SHC2: variants seen among roughly 807,000 people sequenced by gnomAD.
SHC2 encodes SHC adaptor protein 2, also known as SHC-transforming protein 2.
Under a neutral mutation model 60.6 loss-of-function variants are expected in SHC2, and 62 were observed. The ratio of observed to expected loss-of-function variants is 1.02; its 90% CI spans 0.83 to 1.26. The LOEUF is 1.26. Ranked by LOEUF, SHC2 falls within the 50% of genes most tolerant of loss-of-function variation. SHC2 has a pLI of 0.00. For missense variants in SHC2, 873 were observed against 822.2 expected, an observed-to-expected ratio of 1.06 and a Z score of -0.76; for synonymous variants, 375 against 372.4, an observed-to-expected ratio of 1.01 and a Z score of -0.08.
At position 424,995 on chromosome 19, in the gene SHC2, T is replaced by C; in HGVS notation, c.1309+102A>G. ...CACGGGGAGAAGGGAGCCTCCCCCA[T>C]CAGACCAGGGAATCCCGTAGGGAGT... On this transcript the variant is annotated intron_variant, in intron 10 of 12. Coordinates refer to ENST00000264554, the MANE Select transcript of SHC2 (RefSeq NM_012435.3). This position sits in a 1 kb window ranked among gnomAD's most constrained non-coding sequence, Gnocchi z 4.5. The C allele has an allele frequency of 1.6e-6, 2 of 1,225,640 alleles. No homozygotes were observed. Among genetic ancestry groups the C allele is most frequent in the Non-Finnish European group, 2.1e-6 (2 of 940,802 alleles). 75.9% of individuals were successfully genotyped at this position (1,225,640 alleles called of 1,614,324 possible).
chr19:418,975 C>T lies in SHC2; in HGVS notation c.1702G>A (p.Ala568Thr), dbSNP rs200038781. The T allele has an allele frequency of 3.0e-5, 47 of 1,585,858 alleles. No individual in the cohort carries two copies. Among genetic ancestry groups the T allele is most frequent in the Admixed American group, 2.0e-4 (11 of 56,160 alleles). ...CCACGCAGGTGCAGCTCACTCTCGG[C>T]GGCCACGATGGGCTGCCCGTTCTGC... Reference protein sequence around the residue: ...HLQNGQPIVAAESELHLRGVV... With the variant: ...HLQNGQPIVATESELHLRGVV... Residue 568 changes from alanine to threonine, a missense_variant, in exon 12 of 13, where the codon GCC (alanine) becomes ACC (threonine). Transcript: ENST00000264554.
At position 441,064 on chromosome 19, in the gene SHC2, G is replaced by A. The variant is rs1242674164; in HGVS notation, c.469-132C>T. On this transcript the variant is annotated intron_variant, in intron 1 of 12. Coordinates refer to ENST00000264554, the MANE Select transcript of SHC2 (RefSeq NM_012435.3). The surrounding 1 kb of genome is among the most constrained non-coding windows in gnomAD (Gnocchi z 4.9). ...CTTTCCTCTGTCCCTGGTGGCTCTGGGGCCGTCGTGCCTCCCCCACCTCAA... is the reference window on the plus strand; with the variant it reads ...CTTTCCTCTGTCCCTGGTGGCTCTGAGGCCGTCGTGCCTCCCCCACCTCAA... 1 of 1,496,876 alleles carries A rather than the reference G, an allele frequency of 6.7e-7. No individual in the cohort carries two copies. The highest frequency in any genetic ancestry group is 9.0e-7 in the Non-Finnish European group (1 of 1,112,646). 92.7% of individuals were successfully genotyped at this position (1,496,876 alleles called of 1,614,324 possible).
intron 12 of SHC2, among the ~76,000 whole-genome samples, chr19:418,289 G>A (rs536031143): frequency 2.6e-5 from 4 of 152,340 alleles, no homozygotes; most frequent in East Asian, 1.9e-4. Flanking sequence ...CACCCAGCAC[G>A]CCGCAGGGGT....
chr19:437,236 G>A (rs1442450786), intron 4 of SHC2, among the ~76,000 whole-genome samples: 2 of 151,644 alleles, frequency 1.3e-5, no homozygotes, highest in Non-Finnish European at 2.9e-5. Flanking sequence ...GCTCGTTTGC[G>A]AGCTCATCTG....
At chr19:449,921 T>C (rs999776377) in intron 1 of SHC2, among the ~76,000 whole-genome samples, 2 of 152,222 alleles carry the variant, frequency 1.3e-5, no homozygotes. Context: ...CTCTACGTAG[T>C]CTACTGTTCT....
chr19:438,693 C>A lies in SHC2; in HGVS notation c.720+25G>T. On this transcript the variant is annotated intron_variant, in intron 4 of 12. Coordinates refer to ENST00000264554, the MANE Select transcript of SHC2 (RefSeq NM_012435.3). This position sits in a 1 kb window ranked among gnomAD's most constrained non-coding sequence, Gnocchi z 5.0. ...CCTGGCCCCTCTGGGGGTCTGGGGA[C>A]GCCAGGCGAAGAGGGCAGACCCACC... 6.5e-7 allele frequency: 1 copy of A among 1,545,344 alleles called. No individual in the cohort carries two copies. Among genetic ancestry groups the A allele is most frequent in the Non-Finnish European group, 8.7e-7 (1 of 1,145,568 alleles).
intron 9 of SHC2, among the ~76,000 whole-genome samples, chr19:428,488 G>A (rs931636939): frequency 1.3e-5 from 2 of 152,212 alleles, no homozygotes; most frequent in African/African-American, 4.8e-5. Flanking sequence ...AAGAACCCCT[G>A]ATGTTTGCCC....
Position 441,559 on chromosome 19 carries a change from G to A in SHC2, c.469-627C>T, listed in dbSNP as rs939297725. Among the ~76,000 whole-genome samples the A allele has an allele frequency of 8.5e-5, 13 of 152,118 alleles. No individual in the cohort carries two copies. Among genetic ancestry groups the A allele is most frequent in the Non-Finnish European group, 1.8e-4 (12 of 68,018 alleles). On this transcript the variant is annotated intron_variant, in intron 1 of 12. Coordinates refer to ENST00000264554, the MANE Select transcript of SHC2 (RefSeq NM_012435.3). This position sits in a 1 kb window ranked among gnomAD's most constrained non-coding sequence, Gnocchi z 4.9. ...AGGGCCAGGAGGCGAAGGCCACAGC[G>A]TCCTTCCAACGTTGGCCCTTGCTGG...
intron 1 of SHC2, among the ~76,000 whole-genome samples, chr19:458,279 C>G (rs1975418849): frequency 8.9e-6 from 1 of 111,964 alleles, no homozygotes; most frequent in Non-Finnish European, 1.8e-5. Context: ...CTTGGGGAGG[C>G]GGAAGTGGGT....
rs777605048 is a variant in SHC2 at position 440,129 on chromosome 19, G to A, written c.539+733C>T. ...AGAGACGCCAGACACACGAGGCCAC[G>A]CAGCGTGTGATCCCATTGCTATGAA... On this transcript the variant is annotated intron_variant, in intron 2 of 12. Coordinates refer to ENST00000264554, the MANE Select transcript of SHC2 (RefSeq NM_012435.3). This position sits in a 1 kb window ranked among gnomAD's most constrained non-coding sequence, Gnocchi z 7.0. Among the ~76,000 whole-genome samples the A allele has an allele frequency of 7.3e-5, 11 of 151,702 alleles. No homozygotes were observed. The highest frequency in any genetic ancestry group is 2.1e-4 in the South Asian group (1 of 4,772).
intron 1 of SHC2, among the ~76,000 whole-genome samples, chr19:452,581 G>T (rs1469949584): frequency 1.3e-5 from 2 of 150,578 alleles, no homozygotes; most frequent in Non-Finnish European, 3.0e-5. Flanking sequence ...TCCTGCGTAG[G>T]TGTGCGTTTC....
rs577543721 is a variant in SHC2 at position 416,743 on chromosome 19, G to A, written c.*585C>T. 2 of 152,340 alleles carry A rather than the reference G, an allele frequency of 1.3e-5. No individual in the cohort carries two copies. The highest frequency in any genetic ancestry group is 4.1e-4 in the South Asian group (2 of 4,822). The allele number at this position is 152,340 out of a possible 1,614,324, so 9.4% of individuals were successfully genotyped here. ...CTCCCAGGTGGAGTAGGGGCCTCACGACTGCCTCGATATCCACTGTCTTGG... is the reference window on the plus strand; with the variant it reads ...CTCCCAGGTGGAGTAGGGGCCTCACAACTGCCTCGATATCCACTGTCTTGG... On this transcript the variant is annotated 3_prime_UTR_variant, in exon 13 of 13. Coordinates refer to ENST00000264554, the MANE Select transcript of SHC2 (RefSeq NM_012435.3).
chr19:450,983 G>A (rs1411323988), intron 1 of SHC2, among the ~76,000 whole-genome samples: 1 of 149,784 alleles, frequency 6.7e-6, no homozygotes, highest in Non-Finnish European at 1.5e-5. Context: ...TTCAGTGTGT[G>A]GATGGCCACG....
intron 1 of SHC2, among the ~76,000 whole-genome samples, chr19:456,441 G>A (rs55779569): frequency 0.041 from 6,232 of 152,166 alleles, 171 homozygotes; most frequent in Non-Finnish European, 0.057. Context: ...CTGGGCCACC[G>A]CCGTCCCTCG....
In SHC2 at chr19:459,030, C is replaced by G. The variant is rs185446240; in HGVS notation, c.468+1499G>C. Among the ~76,000 whole-genome samples the G allele has an allele frequency of 4.9e-3, 741 of 152,276 alleles. 8 individuals carry two copies. The highest frequency in any genetic ancestry group is 0.018 in the South Asian group (88 of 4,832). ...CCTAACGGCCCGCTCCTCTGTGCAT[C>G]TGAGTCTAAAGTTCCTTCTCCTTAC... On this transcript the variant is annotated intron_variant, in intron 1 of 12. Transcript: ENST00000264554.
chr19:438,676 C>A lies in SHC2; in HGVS notation c.720+42G>T. On this transcript the variant is annotated intron_variant, in intron 4 of 12. Transcript: ENST00000264554. This position sits in a 1 kb window ranked among gnomAD's most constrained non-coding sequence, Gnocchi z 5.0. ...CTTTGCCTCCTAGGACTCCTGGCCC[C>A]TCTGGGGGTCTGGGGACGCCAGGCG... 6.5e-7 allele frequency: 1 copy of A among 1,544,922 alleles called. No homozygotes were observed. The highest frequency in any genetic ancestry group is 8.7e-7 in the Non-Finnish European group (1 of 1,145,908).
At chr19:457,073 C>A (rs112548612) in intron 1 of SHC2, among the ~76,000 whole-genome samples, 33 of 122,558 alleles carry the variant, frequency 2.7e-4, no homozygotes, top group Non-Finnish European at 3.5e-4. Flanking sequence ...GCCTAGAACT[C>A]TGTCTGCAAA....
rs191504557 is a variant in SHC2 at position 427,815 on chromosome 19, G to A, written c.1175-2584C>T. ...GGGACGGCGCACAGCACACGGAAGG[G>A]GGCGGCACAGGGAAGGGGGAACTGC... is the stretch of plus-strand genomic sequence containing the variant. On this transcript the variant is annotated intron_variant, in intron 9 of 12. Transcript: ENST00000264554. Among the ~76,000 whole-genome samples the A allele has an allele frequency of 5.1e-3, 595 of 117,454 alleles. 5 individuals are homozygous for A. The highest frequency in any genetic ancestry group is 6.7e-3 in the African/African-American group (196 of 29,200). The allele number at this position is 117,454 out of a possible 152,430, so 77.1% of individuals were successfully genotyped here.
In SHC2 at chr19:425,221, C is replaced by T; in HGVS notation, c.1185G>A (p.Gly395=). 1 of 1,336,606 alleles carries T rather than the reference C, an allele frequency of 7.5e-7. No homozygotes were observed. Among genetic ancestry groups the T allele is most frequent in the Non-Finnish European group, 9.7e-7 (1 of 1,033,996 alleles). 82.8% of individuals were successfully genotyped at this position (1,336,606 alleles called of 1,614,324 possible). The change falls in exon 10 of 13, where the codon GGG becomes GGA. Residue 395 remains glycine (G), a synonymous_variant. Coordinates refer to ENST00000264554, the MANE Select transcript of SHC2 (RefSeq NM_012435.3). The surrounding 1 kb of genome is among the most constrained non-coding windows in gnomAD (Gnocchi z 4.1). The part of the protein sequence containing the change: ...DVGSTGTAPP[G]DGYVQADARG... ...GGGCGTCCGCCTGCACGTAGCCGTC[C>T]CCCGGTGGAGCTGGGGAGTGTAAAG...
Sources: allele counts gnomAD v4.1 joint callset (sites outside exome capture counted in the v4.1 genomes callset), GRCh38; gene constraint gnomAD v4.1.1; non-coding constraint Gnocchi (gnomAD v3.1); transcripts MANE v1.5; gene names NCBI Gene and HGNC (gene_info 2026-07-23, HGNC 2026-07-21).